DNAH5: variants seen among roughly 807,000 people sequenced by gnomAD.
The protein encoded by DNAH5 is axonemal beta dynein heavy chain 5.
In DNAH5, 372 loss-of-function variants were observed where a neutral mutation model predicts 518.2. The observed-to-expected ratio is 0.72, with a 90% CI of 0.66 to 0.78. The LOEUF (loss-of-function observed/expected upper bound fraction) is 0.78, where lower values mean the gene tolerates loss of function less well. Among genes scored for constraint, DNAH5 ranks in the 30% least tolerant of loss-of-function variants. The probability of loss-of-function intolerance (pLI) is 0.00; values close to 1 mark genes in which losing one functional copy is unlikely to be tolerated. For synonymous variants in DNAH5, 2,039 were observed against 2,025.9 expected (o/e 1.01, Z -0.17); for missense variants, 5,523 against 5,687.0 (o/e 0.97, Z 0.93).
intron 3 of DNAH5, among the ~76,000 whole-genome samples, chr5:13,925,906 T>C (rs1273715377): frequency 6.6e-6 from 1 of 152,166 alleles, no homozygotes; most frequent in Non-Finnish European, 1.5e-5. Flanking sequence ...TGCAGGACTT[T>C]CAGTGCTACA....
intron 12 of DNAH5, among the ~76,000 whole-genome samples, chr5:13,908,770 G>A (rs948238590): frequency 3.3e-5 from 5 of 152,182 alleles, no homozygotes; most frequent in African/African-American, 1.2e-4. Flanking sequence ...TAAATCTGGA[G>A]AGGATTCCAG....
Position 13,873,271 on chromosome 5 carries a change from T to G in DNAH5, c.3397-1506A>C, listed in dbSNP as rs184412508. Among the ~76,000 whole-genome samples the G allele has an allele frequency of 4.8e-3, 725 of 152,304 alleles. 2 individuals carry two copies. The highest frequency in any genetic ancestry group is 8.5e-3 in the Non-Finnish European group (580 of 68,018). Reference sequence around the variant, plus strand: ...CACTTCTACCAAGCTTCTTTCATCTTTTATAGTAAAGTTCTGTAATTACTA... The same window carrying G: ...CACTTCTACCAAGCTTCTTTCATCTGTTATAGTAAAGTTCTGTAATTACTA... On this transcript the variant is annotated intron_variant, in intron 22 of 78. Transcript: ENST00000265104.
chr5:13,735,684 G>T, intron 67 of DNAH5, 134 bp downstream of exon 67: 1 of 789,836 alleles, frequency 1.3e-6, no homozygotes, highest in Non-Finnish European at 2.2e-6. Context: ...TTAACACATT[G>T]GTAATTACAC....
chr5:13,886,075 C>G lies in DNAH5; in HGVS notation c.2632G>C (p.Glu878Gln). ...ATATTTACAAGCTCATTGACTGCCT[C>G]CTCCACTAATGAGCTTTTAAAATGT... is the stretch of plus-strand genomic sequence containing the variant. ...ILHFKSSLVE[E>Q]AVNELVNMLL... The change falls in exon 18 of 79, where the codon GAG (glutamate) becomes CAG (glutamine). Residue 878 changes from glutamate to glutamine, a missense_variant. Transcript: ENST00000265104. The G allele has an allele frequency of 6.2e-7, 1 of 1,611,448 alleles. No homozygotes were observed. The highest frequency in any genetic ancestry group is 2.2e-5 in the East Asian group (1 of 44,848).
intron 1 of DNAH5, among the ~76,000 whole-genome samples, chr5:13,961,461 T>A (rs1003649957): frequency 1.3e-5 from 2 of 152,036 alleles, no homozygotes; most frequent in Non-Finnish European, 2.9e-5. Flanking sequence ...CTGGCCAACA[T>A]GGTGAAACCC....
At chr5:13,830,994 A>T (rs1453424109) in intron 35 of DNAH5, among the ~76,000 whole-genome samples, 2 of 151,762 alleles carry the variant, frequency 1.3e-5, no homozygotes, top group Non-Finnish European at 2.9e-5. Flanking sequence ...AAGTTTAAAA[A>T]CTCCTTAAAA....
intron 32 of DNAH5, among the ~76,000 whole-genome samples, chr5:13,842,773 A>G (rs1041014231): frequency 6.6e-6 from 1 of 152,128 alleles, no homozygotes; most frequent in African/African-American, 2.4e-5. Context: ...TGTATTTATA[A>G]TTTTACAAGA....
At chr5:13,792,245 G>C in intron 49 of DNAH5, 28 bp from the exon 50 acceptor site, 1 of 1,574,256 alleles carries the variant, frequency 6.4e-7, no homozygotes, top group Non-Finnish European at 8.7e-7. Context: ...ACAGCATTTT[G>C]ATTAGCCATT....
At chr5:13,709,250 A>G (rs1743184095) in intron 75 of DNAH5, among the ~76,000 whole-genome samples, 1 of 152,166 alleles carries the variant, frequency 6.6e-6, no homozygotes, top group African/African-American at 2.4e-5. Flanking sequence ...ATGAGATACA[A>G]AAGGGAAAAA....
At position 13,729,514 on chromosome 5, in the gene DNAH5, T is replaced by C; in HGVS notation, c.11808A>G (p.Lys3936=). The C allele has an allele frequency of 6.2e-7, 1 of 1,613,940 alleles. No homozygotes were observed. The highest frequency in any genetic ancestry group is 8.5e-7 in the Non-Finnish European group (1 of 1,179,842). ...TCAGCCATGTTATGTCCAGGATCCA[T>C]TTTGATGGTTTTGGAGGACAAGCTT... is the stretch of plus-strand genomic sequence containing the variant. ...DLKACPPKPS[K]WILDITWLNL... is the part of the protein sequence containing the mutation. Residue 3936 remains lysine, a synonymous_variant, in exon 69 of 79, where the codon AAA becomes AAG. Coordinates refer to ENST00000265104, the MANE Select transcript of DNAH5 (RefSeq NM_001369.3).
chr5:13,822,334 T>A (rs1762338545), intron 40 of DNAH5, among the ~76,000 whole-genome samples: 1 of 152,056 alleles, frequency 6.6e-6, no homozygotes, highest in African/African-American at 2.4e-5. Context: ...CACTGCAGCC[T>A]CAGCCTCCCA....
chr5:13,798,740 T>TTTTTTTTA (rs1758240839), intron 47 of DNAH5, among the ~76,000 whole-genome samples: 2 of 87,274 alleles, frequency 2.3e-5, no homozygotes, highest in South Asian at 6.6e-4. Flanking sequence ...ATTTTATTTA[T>TTTTTTTTA]TTTATTTATT....
rs147601971 is a variant in DNAH5 at position 13,791,967 on chromosome 5, T to G, written c.8448+27A>C. ...ATATATCATTAATAGCAATGTTATT[T>G]GTTTTTCTTTCTTCAGTGTCACTTA... On this transcript the variant is annotated intron_variant, in intron 50 of 78. Transcript: ENST00000265104. 540 of 1,549,612 alleles carry G rather than the reference T, an allele frequency of 3.5e-4. 2 individuals carry two copies. The African/African-American group carries it at 6.6e-3, about 19-fold the overall frequency.
At position 13,701,263 on chromosome 5, in the gene DNAH5, G is replaced by C. The variant is rs557316508; in HGVS notation, c.13491+21C>G. 4.5e-5 allele frequency: 72 copies of C among 1,613,886 alleles called. No individual in the cohort carries two copies. In the South Asian group the frequency reaches 6.8e-4, roughly 15 times the overall value. The stretch of plus-strand genomic sequence containing the variant: ...GGAGGAAAATTATAATAACGCAACG[G>C]GTGCAAATCAGAGCTCTTACCTGTC... On this transcript the variant is annotated intron_variant, in intron 77 of 78. Transcript: ENST00000265104.
At chr5:13,966,034 C>T (rs1281840304) in intron 1 of DNAH5, among the ~76,000 whole-genome samples, 12 of 151,712 alleles carry the variant, frequency 7.9e-5, no homozygotes, top group Non-Finnish European at 5.9e-5. Context: ...ATTCTTATGC[C>T]TTTGCATCCT....
At chr5:13,948,113 T>C (rs556158636), upstream of DNAH5, among the ~76,000 whole-genome samples, 3 of 152,256 alleles carry the variant, frequency 2.0e-5, no homozygotes, top group African/African-American at 7.2e-5. Context: ...GAGGAAGAAA[T>C]GTGTGTCCCG....
chr5:13,812,958 A>C (rs1410247223), intron 43 of DNAH5, among the ~76,000 whole-genome samples: 2 of 152,178 alleles, frequency 1.3e-5, no homozygotes, highest in Non-Finnish European at 2.9e-5. Context: ...CAAAAACATA[A>C]CATAGCACTT....
chr5:13,737,230 T>C, intron 66 of DNAH5, 22 bp downstream of exon 66: 1 of 1,613,962 alleles, frequency 6.2e-7, no homozygotes, highest in South Asian at 1.1e-5. Flanking sequence ...CTGTGACATT[T>C]GTCTTTCATT....
intron 76 of DNAH5, among the ~76,000 whole-genome samples, chr5:13,706,905 C>T (rs1216169810): frequency 2.6e-5 from 4 of 152,160 alleles, no homozygotes; most frequent in Admixed American, 2.6e-4. Flanking sequence ...AGGGCAGGGT[C>T]CCTGGCGAAG....
Sources: allele counts gnomAD v4.1 joint callset (sites outside exome capture counted in the v4.1 genomes callset), GRCh38; gene constraint gnomAD v4.1.1; transcripts MANE v1.5; gene names NCBI Gene and HGNC (gene_info 2026-07-23, HGNC 2026-07-21).